The following SOX6 variants were observed in gnomAD, a reference collection of about 807,000 sequenced individuals.
SOX6 encodes SRY-box transcription factor 6.
In SOX6, 11 loss-of-function variants were observed where a neutral mutation model predicts 97.8. The ratio of observed to expected loss-of-function variants is 0.11; its 90% CI spans 0.07 to 0.19. The LOEUF is 0.19. Among genes scored for constraint, SOX6 ranks in the 10% least tolerant of loss-of-function variants. The pLI, the probability that SOX6 is intolerant of heterozygous loss-of-function variation, is 1.00. For missense variants in SOX6, 810 were observed against 1,039.5 expected (o/e 0.78, Z 3.04); for synonymous variants, 360 against 371.4 (o/e 0.97, Z 0.35).
intron 3 of SOX6, among the ~76,000 whole-genome samples, chr11:16,240,647 T>C (rs933679185): frequency 1.3e-5 from 2 of 152,042 alleles, no homozygotes; most frequent in African/African-American, 4.8e-5. Flanking sequence ...AAGCAACTTC[T>C]GAAATTTCCT....
At chr11:16,718,719 TTTTAA>T (rs1848236708) in intron 2 of SOX6, among the ~76,000 whole-genome samples, 1 of 152,188 alleles carries the variant, frequency 6.6e-6, no homozygotes, top group Non-Finnish European at 1.5e-5. Flanking sequence ...TCTGAATATA[TTTTAA>T]TTTATCTTCA....
At chr11:16,120,541 T>C (rs993652686) in intron 6 of SOX6, among the ~76,000 whole-genome samples, 2 of 147,036 alleles carry the variant, frequency 1.4e-5, no homozygotes, top group Non-Finnish European at 3.0e-5. Flanking sequence ...AGTTAAAACA[T>C]TAATAAAGAG....
intron 4 of SOX6, among the ~76,000 whole-genome samples, chr11:16,566,012 C>T (rs973188249): frequency 2.0e-5 from 3 of 149,958 alleles, no homozygotes; most frequent in Non-Finnish European, 4.4e-5. Flanking sequence ...AGGAGAATGG[C>T]GTGAACCCAG....
At chr11:16,139,892 A>T (rs993265670) in intron 6 of SOX6, among the ~76,000 whole-genome samples, 1 of 149,246 alleles carries the variant, frequency 6.7e-6, no homozygotes. Flanking sequence ...GTTTATTCTT[A>T]TTTTCCTTCA....
At chr11:16,366,522 G>A (rs1857361924) in intron 1 of SOX6, among the ~76,000 whole-genome samples, 1 of 152,032 alleles carries the variant, frequency 6.6e-6, no homozygotes, top group African/African-American at 2.4e-5. Context: ...AAGGCTTAAG[G>A]ACACTGCAAG....
chr11:16,586,959 T>C (rs896419116), intron 4 of SOX6, among the ~76,000 whole-genome samples: 1 of 152,170 alleles, frequency 6.6e-6, no homozygotes, highest in Admixed American at 6.5e-5. Context: ...TTGTGTAAAG[T>C]TGGGATCAGA....
At chr11:16,394,816 G>A (rs1858296620) in intron 1 of SOX6, among the ~76,000 whole-genome samples, 1 of 151,700 alleles carries the variant, frequency 6.6e-6, no homozygotes, top group African/African-American at 2.4e-5. Flanking sequence ...ATAGCCACTG[G>A]GGCTGCTCCA....
intron 1 of SOX6, among the ~76,000 whole-genome samples, chr11:16,434,901 AG>A (rs2133079741): frequency 6.6e-6 from 1 of 152,324 alleles, no homozygotes; most frequent in African/African-American, 2.4e-5. Flanking sequence ...TTAATGATCA[AG>A]TTTATATTAG....
intron 3 of SOX6, among the ~76,000 whole-genome samples, chr11:16,640,948 C>T (rs1590030033): frequency 1.3e-5 from 2 of 152,034 alleles, no homozygotes; most frequent in African/African-American, 2.4e-5. Flanking sequence ...TTGCCTTCTG[C>T]TAGCTTTTGA....
At position 16,127,821 on chromosome 11, in the gene SOX6, C is replaced by G. The variant is rs145375429; in HGVS notation, c.778-15898G>C. Among the ~76,000 whole-genome samples the G allele has an allele frequency of 5.0e-3, 754 of 152,238 alleles. 4 individuals carry two copies. The highest frequency in any genetic ancestry group is 0.017 in the African/African-American group (722 of 41,562). ...GATAATGAGGGGAATCCATAACAGA[C>G]ATAAACAAACCCAGAAAGATGTCTA... On this transcript the variant is annotated intron_variant, in intron 6 of 15. Transcript: ENST00000683767.
At chr11:15,980,983 T>G (rs1853637914) in intron 15 of SOX6, among the ~76,000 whole-genome samples, 1 of 152,176 alleles carries the variant, frequency 6.6e-6, no homozygotes, top group African/African-American at 2.4e-5. Flanking sequence ...TAATGCCTCA[T>G]GTACCATATT....
chr11:16,585,444 C>G (rs560625985), intron 4 of SOX6, among the ~76,000 whole-genome samples: 167 of 152,216 alleles, frequency 1.1e-3, no homozygotes, highest in Middle Eastern at 3.4e-3. Context: ...GAGATTAAAA[C>G]AACAGGCCAA....
chr11:16,213,282 T>C (rs913321664), intron 4 of SOX6, among the ~76,000 whole-genome samples: 2 of 152,096 alleles, frequency 1.3e-5, no homozygotes, highest in Non-Finnish European at 2.9e-5. Context: ...TCTTTTTCTC[T>C]TAGAGTTTTA....
intron 3 of SOX6, among the ~76,000 whole-genome samples, chr11:16,282,208 C>T (rs1193602263): frequency 6.6e-6 from 1 of 150,726 alleles, no homozygotes; most frequent in African/African-American, 2.4e-5. Context: ...TATATCTGTT[C>T]CCTTCCATTG....
chr11:16,127,996 C>G (rs1849648374), intron 6 of SOX6, among the ~76,000 whole-genome samples: 1 of 152,110 alleles, frequency 6.6e-6, no homozygotes, highest in Admixed American at 6.5e-5. Flanking sequence ...ATATTGGGAA[C>G]TCAAATCATG....
At chr11:16,731,784 G>GA (rs1848352036) in intron 2 of SOX6, among the ~76,000 whole-genome samples, 1 of 152,178 alleles carries the variant, frequency 6.6e-6, no homozygotes, top group Non-Finnish European at 1.5e-5. Flanking sequence ...ATTCAATTAG[G>GA]AAATGAGGAA....
intron 4 of SOX6, among the ~76,000 whole-genome samples, chr11:16,211,825 GA>G (rs562637248): frequency 1.3e-3 from 193 of 152,286 alleles, no homozygotes; most frequent in African/African-American, 4.4e-3. Context: ...AGCAAGTTTA[GA>G]AGGATTAAGA....
intron 6 of SOX6, among the ~76,000 whole-genome samples, chr11:16,177,723 A>G (rs1023978951): frequency 1.3e-5 from 2 of 151,522 alleles, no homozygotes; most frequent in African/African-American, 4.8e-5. Context: ...TGAGCCCTCA[A>G]TATAATGAGA....
intron 3 of SOX6, among the ~76,000 whole-genome samples, chr11:16,665,335 G>A (rs1847799079): frequency 6.6e-6 from 1 of 152,066 alleles, no homozygotes; most frequent in South Asian, 2.1e-4. Flanking sequence ...AGAGTCCCAG[G>A]CCTGGTAGCA....
Sources: gnomAD v4.1 joint callset for allele counts (sites outside exome capture counted in the v4.1 genomes callset) on GRCh38, gnomAD v4.1.1 for gene constraint, MANE v1.5 for transcripts, NCBI Gene and HGNC (gene_info 2026-07-23, HGNC 2026-07-21) for gene names.